KIR2DL1: variants seen among roughly 807,000 people sequenced by gnomAD.
KIR2DL1 encodes the protein killer cell immunoglobulin-like receptor 2DL1.
Under a neutral mutation model 33.9 loss-of-function variants are expected in KIR2DL1, and 38 were observed. That is an observed-to-expected ratio of 1.12 (90% CI 0.86 to 1.47). KIR2DL1 has a LOEUF of 1.47. Ranked by LOEUF, KIR2DL1 falls within the 40% of genes most tolerant of loss-of-function variation. The pLI, the probability that KIR2DL1 is intolerant of heterozygous loss-of-function variation, is 0.00. For synonymous variants in KIR2DL1, 179 were observed against 165.9 expected, an observed-to-expected ratio of 1.08 and a Z score of -0.61; for missense variants, 531 against 433.9, an observed-to-expected ratio of 1.22 and a Z score of -1.99.
rs2077431470 is a variant in KIR2DL1 at position 54,784,247 on chromosome 19, A to G, written c.*434A>G. 1 of 293,724 alleles carries G rather than the reference A, an allele frequency of 3.4e-6. No individual in the cohort carries two copies. Among genetic ancestry groups the G allele is most frequent in the Non-Finnish European group, 6.4e-6 (1 of 155,850 alleles). 18.2% of individuals were successfully genotyped at this position (293,724 alleles called of 1,614,324 possible). ...TCAGACTAGCTTTCAGTCTTCTGTCAGCAGTAAAACTTATATATTTTTTAA... is the reference window on the plus strand; with the variant it reads ...TCAGACTAGCTTTCAGTCTTCTGTCGGCAGTAAAACTTATATATTTTTTAA... On this transcript the variant is annotated 3_prime_UTR_variant, in exon 8 of 8. Coordinates refer to ENST00000336077, the MANE Select transcript of KIR2DL1 (RefSeq NM_014218.3).
chr19:54,770,741 CT>C, intron 1 of KIR2DL1, 107 bp from the exon 2 acceptor site: 1 of 1,459,176 alleles, frequency 6.9e-7, no homozygotes, highest in Non-Finnish European at 9.6e-7. Flanking sequence ...GTGAGTTTAC[CT>C]TCAGCCCAGG....
In KIR2DL1 at chr19:54,783,009, G is replaced by T; in HGVS notation, c.803G>T (p.Cys268Phe). 1 of 1,613,534 alleles carries T rather than the reference G, an allele frequency of 6.2e-7. No homozygotes were observed. The highest frequency in any genetic ancestry group is 1.7e-5 in the Admixed American group (1 of 60,004). The change falls in exon 6 of 8, where the codon TGC becomes TTC. Residue 268 changes from cysteine (C) to phenylalanine (F), a missense_variant. Transcript: ENST00000336077. ...ILLFFLLHRW[C>F]SNKKNAAVMD... ...CTCTTCTTTCTCCTTCATCGCTGGT[G>T]CTCCAACAAAAAAAGTAAGTCTCAC... is the stretch of plus-strand genomic sequence containing the variant.
At chr19:54,780,001 T>G (rs113111342) in intron 5 of KIR2DL1, 92,586 of 365,822 alleles carry the variant, frequency 0.25, 16,250 homozygotes, top group Non-Finnish European at 0.31. Context: ...TGGATTCAAG[T>G]GATTCTCCTG....
At chr19:54,782,770 G>T in intron 5 of KIR2DL1, 152 bp from the exon 6 acceptor site, 8 of 789,824 alleles carry the variant, frequency 1.0e-5, no homozygotes, top group South Asian at 8.5e-5. Context: ...AGCTATAACA[G>T]AAAAAGCAGG....
chr19:54,780,442 C>A (rs1196054634), intron 5 of KIR2DL1, among the ~76,000 whole-genome samples: 8 of 129,798 alleles, frequency 6.2e-5, no homozygotes, highest in Admixed American at 4.0e-4. Flanking sequence ...AATGACAAGA[C>A]GACTGTAGAG....
intron 5 of KIR2DL1, among the ~76,000 whole-genome samples, chr19:54,782,501 A>G (rs975770269): frequency 4.6e-5 from 7 of 151,884 alleles, no homozygotes; most frequent in Non-Finnish European, 8.8e-5. Context: ...AGAGGGAGCA[A>G]GGGGGAGGGG....
At chr19:54,770,539 A>T (rs1488731352) in intron 1 of KIR2DL1, among the ~76,000 whole-genome samples, 2 of 136,564 alleles carry the variant, frequency 1.5e-5, no homozygotes, top group African/African-American at 5.5e-5. Flanking sequence ...ATATGGGCCC[A>T]GGGTGGAGAT....
chr19:54,775,409 T>TG lies in KIR2DL1; in HGVS notation c.615_616insG (p.Pro206AlafsTer9), dbSNP rs2076213924. On this transcript the variant is annotated frameshift_variant, in exon 4 of 8. Transcript: ENST00000336077. LOFTEE classifies it high-confidence loss of function. ...GATGCTTCGGCTCTTTCCATGACTC[T>TG]CCATACGAGTGGTCAAAGTCAAGTG... 15 of 1,583,252 alleles carry TG rather than the reference T, an allele frequency of 9.5e-6. 1 individual carries two copies. Among genetic ancestry groups the TG allele is most frequent in the African/African-American group, 1.4e-5 (1 of 73,816 alleles).
At chr19:54,783,289 AG>A (rs1370189057) in intron 6 of KIR2DL1, among the ~76,000 whole-genome samples, 196 bp from the exon 7 acceptor site, 1 of 151,904 alleles carries the variant, frequency 6.6e-6, no homozygotes, top group Non-Finnish European at 1.5e-5. Context: ...AGTGGGAGAC[AG>A]AATCAATGGG....
At position 54,783,817 on chromosome 19, in the gene KIR2DL1, CCA is replaced by C. The variant is rs1600912658; in HGVS notation, c.*7_*8del. 1.2e-6 allele frequency: 2 copies of C among 1,613,978 alleles called. No homozygotes were observed. Among genetic ancestry groups the C allele is most frequent in the Non-Finnish European group, 8.5e-7 (1 of 1,179,942 alleles). On this transcript the variant is annotated 3_prime_UTR_variant, in exon 8 of 8. Transcript: ENST00000336077. ...CAAAGTTGTCTCCTGCCCATGAGCA[CCA>C]CAGTCAGGCCTTGAGGGCGTCTTCT...
chr19:54,772,811 G>C (rs1273217402), intron 2 of KIR2DL1, among the ~76,000 whole-genome samples: 1 of 144,514 alleles, frequency 6.9e-6, no homozygotes, highest in Non-Finnish European at 1.5e-5. Flanking sequence ...ATCCACATAG[G>C]GAGGGGTTGA....
chr19:54,771,787 C>T (rs545500583), intron 2 of KIR2DL1, among the ~76,000 whole-genome samples: 1 of 148,136 alleles, frequency 6.8e-6, no homozygotes, highest in East Asian at 2.0e-4. Context: ...TTTTCATGGG[C>T]CCTGTGACCC....
At chr19:54,779,398 G>A (rs796248139) in intron 5 of KIR2DL1, among the ~76,000 whole-genome samples, 748 of 119,494 alleles carry the variant, frequency 6.3e-3, no homozygotes, top group African/African-American at 0.013. Flanking sequence ...AAGGCTCCCA[G>A]TTCCTTGGCT....
At chr19:54,778,285 T>C (rs985980819) in intron 4 of KIR2DL1, among the ~76,000 whole-genome samples, 4 of 149,652 alleles carry the variant, frequency 2.7e-5, no homozygotes, top group African/African-American at 4.9e-5. Context: ...AACCATTGGA[T>C]GTAAATGCAT....
chr19:54,783,460 G>T, intron 6 of KIR2DL1, 26 bp from the exon 7 acceptor site: 1 of 1,611,686 alleles, frequency 6.2e-7, no homozygotes, highest in Non-Finnish European at 8.5e-7. Context: ...CCTCCGAGCT[G>T]TTTTGTTGAC....
intron 5 of KIR2DL1, among the ~76,000 whole-genome samples, chr19:54,779,121 G>A (rs1450455203): frequency 4.1e-5 from 6 of 148,084 alleles, no homozygotes; most frequent in Non-Finnish European, 9.1e-5. Context: ...AGAGAACAGA[G>A]CTCATGCACG....
chr19:54,777,619 G>C (rs2076501736), intron 4 of KIR2DL1, among the ~76,000 whole-genome samples: 1 of 148,758 alleles, frequency 6.7e-6, no homozygotes, highest in South Asian at 2.1e-4. Flanking sequence ...CAATCTGTGG[G>C]TTGTCTCTTC....
At position 54,771,007 on chromosome 19, in the gene KIR2DL1, G is replaced by A. The variant is rs1481983763; in HGVS notation, c.70+123G>A. On this transcript the variant is annotated intron_variant, in intron 2 of 7. Coordinates refer to ENST00000336077, the MANE Select transcript of KIR2DL1 (RefSeq NM_014218.3). Reference sequence around the variant, plus strand: ...GGAAGAAGGGACCCTGGGGTGCTGGGCCCACATTTCTGACCTTGCCTCCCT... The same window carrying A: ...GGAAGAAGGGACCCTGGGGTGCTGGACCCACATTTCTGACCTTGCCTCCCT... The A allele has an allele frequency of 7.8e-6, 11 of 1,401,534 alleles. 1 individual carries two copies. In the Admixed American group the frequency reaches 1.6e-4, roughly 21 times the overall value. 86.8% of individuals were successfully genotyped at this position (1,401,534 alleles called of 1,614,324 possible).
intron 3 of KIR2DL1, among the ~76,000 whole-genome samples, chr19:54,774,158 G>A (rs1318796596): frequency 6.7e-6 from 1 of 148,702 alleles, no homozygotes; most frequent in Admixed American, 6.8e-5. Flanking sequence ...CCTGTATGCT[G>A]TGTGAACTTG....
Sources: gnomAD v4.1 joint callset for allele counts (sites outside exome capture counted in the v4.1 genomes callset) on GRCh38, gnomAD v4.1.1 for gene constraint, MANE v1.5 for transcripts, NCBI Gene and HGNC (gene_info 2026-07-23, HGNC 2026-07-21) for gene names.